ZNF638: variants seen among roughly 807,000 people sequenced by gnomAD.
ZNF638 encodes zinc finger protein 638, also known as CTCL tumor antigen se33-1.
A neutral mutation model predicts 195.6 loss-of-function variants in ZNF638; 46 were observed. That is an observed-to-expected ratio of 0.24 (90% CI 0.19 to 0.30). The LOEUF (loss-of-function observed/expected upper bound fraction) is 0.30, where lower values mean the gene tolerates loss of function less well. Ranked by LOEUF, ZNF638 falls within the 10% of genes least tolerant of loss-of-function variation. ZNF638 has a pLI of 1.00. For synonymous variants in ZNF638, 845 were observed against 772.0 expected (o/e 1.09, Z -1.57); for missense variants, 2,440 against 2,325.3 (o/e 1.05, Z -1.01).
rs776699042 is a variant in ZNF638, at chr2:71,350,010, A to G, written c.1056A>G (p.Pro352=). 1.9e-6 allele frequency: 3 copies of G among 1,614,094 alleles called. No homozygotes were observed. Among genetic ancestry groups the G allele is most frequent in the Non-Finnish European group, 2.5e-6 (3 of 1,180,040 alleles). The change falls in exon 2 of 28, where the codon CCA becomes CCG. Residue 352 remains proline (P), a synonymous_variant. Coordinates refer to ENST00000264447, the MANE Select transcript of ZNF638 (RefSeq NM_014497.5). ...ISSVSQQERI[P]HEPVINSSNV... ...CTGTAAGCCAGCAAGAGCGGATCCC[A>G]CATGAACCTGTGATTAATTCATCTA...
chr2:71,391,943 G>T (rs987801954), intron 10 of ZNF638, among the ~76,000 whole-genome samples: 2 of 152,006 alleles, frequency 1.3e-5, no homozygotes, highest in Non-Finnish European at 2.9e-5. Context: ...TCCTCTACAG[G>T]ATTAATAGGA....
intron 8 of ZNF638, among the ~76,000 whole-genome samples, chr2:71,378,279 G>A (rs1241938050): frequency 1.3e-5 from 2 of 152,048 alleles, no homozygotes; most frequent in African/African-American, 4.8e-5. Flanking sequence ...CTTATACATC[G>A]GAACATAGTA....
At chr2:71,376,686 G>A (rs1228833876) in intron 8 of ZNF638, among the ~76,000 whole-genome samples, 3 of 147,006 alleles carry the variant, frequency 2.0e-5, no homozygotes, top group Non-Finnish European at 4.5e-5. Flanking sequence ...CCATTTTGCT[G>A]CTTCTATGAA....
rs1443211326 is a variant in ZNF638, at chr2:71,349,301, T to A, written c.347T>A (p.Val116Glu). 1 of 1,613,976 alleles carries A rather than the reference T, an allele frequency of 6.2e-7. No homozygotes were observed. The highest frequency in any genetic ancestry group is 8.5e-7 in the Non-Finnish European group (1 of 1,180,036). ...DEPHISASVA[V>E]KQSSVTQVTE... ...CCTCATATATCTGCATCAGTGGCAG[T>A]GAAACAGAGTTCTGTAACACAGGTT... Residue 116 changes from valine to glutamate, a missense_variant, in exon 2 of 28, where the codon GTG becomes GAG. Physicochemically the swap from Val to Glu is moderately radical, Grantham distance 121. Around this residue, in one of 5 missense-constraint regions of ZNF638, gnomAD observed 191 missense variants for 173.8 expected, o/e 1.10. Coordinates refer to ENST00000264447, the MANE Select transcript of ZNF638 (RefSeq NM_014497.5).
At chr2:71,390,249 G>T (rs1011367742) in intron 10 of ZNF638, among the ~76,000 whole-genome samples, 2 of 152,214 alleles carry the variant, frequency 1.3e-5, no homozygotes, top group African/African-American at 4.8e-5. Context: ...AATGCCAGCG[G>T]CTTTCCTCGG....
At chr2:71,377,716 A>G (rs1406327739) in intron 8 of ZNF638, among the ~76,000 whole-genome samples, 2 of 152,220 alleles carry the variant, frequency 1.3e-5, no homozygotes, top group African/African-American at 4.8e-5. Flanking sequence ...ATTAGAGGAA[A>G]GGCATGGTAG....
chr2:71,346,619 C>G (rs1389755564), intron 1 of ZNF638, among the ~76,000 whole-genome samples: 1 of 152,112 alleles, frequency 6.6e-6, no homozygotes, highest in Non-Finnish European at 1.5e-5. Context: ...GGGGATAAGA[C>G]TTAGCCATGA....
chr2:71,385,333 C>T (rs2670710), intron 10 of ZNF638, among the ~76,000 whole-genome samples: 23,915 of 152,108 alleles, frequency 0.16, 2,398 homozygotes, highest in East Asian at 0.57. Flanking sequence ...GGCCTATACA[C>T]GAGTATTTAT....
chr2:71,368,561 C>CA, intron 7 of ZNF638, 33 bp downstream of exon 7: 1 of 1,605,620 alleles, frequency 6.2e-7, no homozygotes, highest in Non-Finnish European at 8.5e-7. Context: ...AAAATTCATA[C>CA]AAAGTGATTG....
chr2:71,394,874 G>T (rs569959569), intron 10 of ZNF638, among the ~76,000 whole-genome samples: 1 of 152,168 alleles, frequency 6.6e-6, no homozygotes, highest in Non-Finnish European at 1.5e-5. Flanking sequence ...TTGCACATCT[G>T]CAAGCCCTCG....
rs150088465 is a variant in ZNF638 at position 71,401,914 on chromosome 2, CAA to C, written c.2698-40_2698-39del. 6.7e-3 allele frequency: 10,141 copies of C among 1,512,580 alleles called. 54 individuals are homozygous for C. The highest frequency in any genetic ancestry group is 7.9e-3 in the Non-Finnish European group (8,862 of 1,122,646). 93.7% of individuals were successfully genotyped at this position (1,512,580 alleles called of 1,614,324 possible). ...AGTATAAACTTAAGTAAATATGAAACAAAGAAATTTTAATAACAGGTTTTAAA... is the reference window on the plus strand; with the variant it reads ...AGTATAAACTTAAGTAAATATGAAACAGAAATTTTAATAACAGGTTTTAAA... On this transcript the variant is annotated intron_variant, in intron 15 of 27. Transcript: ENST00000264447.
chr2:71,358,390 A>G (rs2079057884), intron 3 of ZNF638, among the ~76,000 whole-genome samples: 1 of 152,206 alleles, frequency 6.6e-6, no homozygotes, highest in Non-Finnish European at 1.5e-5. Context: ...CCTAATACCA[A>G]ATCGCTCTCT....
At chr2:71,341,191 CAAG>C (rs1440804370) in intron 1 of ZNF638, among the ~76,000 whole-genome samples, 1 of 152,166 alleles carries the variant, frequency 6.6e-6, no homozygotes, top group Non-Finnish European at 1.5e-5. Flanking sequence ...ATGGCTTCCT[CAAG>C]AACCCAGTTT....
chr2:71,362,257 C>G (rs1291611399), intron 3 of ZNF638, among the ~76,000 whole-genome samples: 1 of 152,064 alleles, frequency 6.6e-6, no homozygotes. Context: ...GTCCTCGGCT[C>G]TCTTTTTTCC....
intron 20 of ZNF638, 60 bp from the exon 21 acceptor site, chr2:71,418,542 A>G (rs970146537): frequency 2.6e-5 from 30 of 1,136,946 alleles, no homozygotes; most frequent in East Asian, 1.9e-4. Context: ...CATTGCTTTT[A>G]TAGTTAAATA....
At chr2:71,369,475 A>AT (rs887182664) in intron 7 of ZNF638, among the ~76,000 whole-genome samples, 5 of 152,078 alleles carry the variant, frequency 3.3e-5, no homozygotes, top group Non-Finnish European at 5.9e-5. Context: ...CTCTGTCTTA[A>AT]TTTTTTTAAA....
chr2:71,375,200 G>T (rs941161452), intron 8 of ZNF638: 2 of 152,162 alleles, frequency 1.3e-5, no homozygotes, highest in African/African-American at 4.8e-5. Context: ...ATTAAATCGT[G>T]TGGCCTTAGT....
chr2:71,422,713 G>A, intron 21 of ZNF638, 101 bp from the exon 22 acceptor site: 3 of 1,225,810 alleles, frequency 2.4e-6, no homozygotes, highest in Non-Finnish European at 3.3e-6. Context: ...TTAACAATTG[G>A]CATCAGCAGG....
chr2:71,343,855 GCGCGGTGGCTCA>G (rs2078805672), intron 1 of ZNF638, among the ~76,000 whole-genome samples: 1 of 116,634 alleles, frequency 8.6e-6, no homozygotes, highest in Non-Finnish European at 2.1e-5. Context: ...TTGCCGCCAG[GCGCGGTGGCTCA>G]TGCCTGTAAT....
Sources: allele counts gnomAD v4.1 joint callset (sites outside exome capture counted in the v4.1 genomes callset), GRCh38; gene constraint gnomAD v4.1.1; regional missense constraint gnomAD v4.1.1; transcripts MANE v1.5; gene names NCBI Gene and HGNC (gene_info 2026-07-23, HGNC 2026-07-21).